AIDA: variants seen among roughly 807,000 people sequenced by gnomAD.
AIDA encodes the protein axin interactor, dorsalization associated.
A neutral mutation model predicts 42.7 loss-of-function variants in AIDA; 18 were observed. That is an observed-to-expected ratio of 0.42 (90% confidence interval 0.29 to 0.63). The LOEUF is 0.63. AIDA is among the 20% of genes least tolerant of loss of function. AIDA has a pLI of 0.19. For missense variants in AIDA, 250 were observed against 354.1 expected, an observed-to-expected ratio of 0.71 and a Z score of 2.36; for synonymous variants, 104 against 122.9, an observed-to-expected ratio of 0.85 and a Z score of 1.02.
rs138480568 is a variant in AIDA, at chr1:222,709,518, G to A, written c.110+2690C>T. Among the ~76,000 whole-genome samples, 868 of 152,286 alleles carry A rather than the reference G, an allele frequency of 5.7e-3. 5 individuals carry two copies. Among genetic ancestry groups the A allele is most frequent in the African/African-American group, 0.019 (794 of 41,564 alleles). ...AAAATGAAAAAAATGAAGCAGGATG[G>A]GGAGCAGGAGGTGTGAAACTGAGAT... On this transcript the variant is annotated intron_variant, in intron 1 of 9. Transcript: ENST00000340020.
At chr1:222,681,807 G>C (rs1664658707) in intron 6 of AIDA, among the ~76,000 whole-genome samples, 1 of 152,174 alleles carries the variant, frequency 6.6e-6, no homozygotes, top group South Asian at 2.1e-4. Context: ...GTCCATGCTG[G>C]CCATGTGAAT....
Position 222,712,211 on chromosome 1 carries a change from T to C in AIDA, c.107A>G (p.Gln36Arg). The change falls in exon 1 of 10, where the codon CAG (glutamine) becomes CGG (arginine). Residue 36 changes from glutamine (Q) to arginine (R), a missense_variant. Around this residue, in one of 4 missense-constraint regions of AIDA, gnomAD observed 199 missense variants for 232.6 expected, o/e 0.86. Transcript: ENST00000340020. Reference protein sequence around the residue: ...GQLVEAIDEYQILARHLQKEA... With the variant: ...GQLVEAIDEYRILARHLQKEA... ...GCTCCCGCGGTTAGTCACTCACATCTGATACTCGTCTATCGCCTCCACCAG... is the reference window on the plus strand; with the variant it reads ...GCTCCCGCGGTTAGTCACTCACATCCGATACTCGTCTATCGCCTCCACCAG... 6.2e-7 allele frequency: 1 copy of C among 1,600,686 alleles called. No homozygotes were observed. The highest frequency in any genetic ancestry group is 1.1e-5 in the South Asian group (1 of 88,890).
At chr1:222,703,246 T>G in intron 1 of AIDA, 29 bp from the exon 2 acceptor site, 1 of 1,565,190 alleles carries the variant, frequency 6.4e-7, no homozygotes, top group Non-Finnish European at 8.7e-7. Flanking sequence ...TTCTTTAGAA[T>G]GGAAGAAAAG....
chr1:222,669,728 G>A lies in AIDA; in HGVS notation c.*165C>T. Reference sequence around the variant, plus strand: ...GTCCTATACGTCAGTGTGATGTGCTGGACTCTGAATTCTGTGGTACAGCTT... The same window carrying A: ...GTCCTATACGTCAGTGTGATGTGCTAGACTCTGAATTCTGTGGTACAGCTT... On this transcript the variant is annotated 3_prime_UTR_variant, in exon 10 of 10. Coordinates refer to ENST00000340020, the MANE Select transcript of AIDA (RefSeq NM_022831.4). 2.5e-6 allele frequency: 2 copies of A among 798,572 alleles called. No homozygotes were observed. Among genetic ancestry groups the A allele is most frequent in the Admixed American group, 2.9e-5 (1 of 34,162 alleles). 49.5% of individuals were successfully genotyped at this position (798,572 alleles called of 1,614,324 possible).
chr1:222,704,834 G>A (rs915588587), intron 1 of AIDA, among the ~76,000 whole-genome samples: 5 of 151,766 alleles, frequency 3.3e-5, no homozygotes, highest in South Asian at 2.1e-4. Context: ...AAAAATATAT[G>A]AGAAAAAACT....
chr1:222,679,639 AAGAC>A (rs1664618278), intron 6 of AIDA, among the ~76,000 whole-genome samples: 1 of 152,208 alleles, frequency 6.6e-6, no homozygotes, highest in Non-Finnish European at 1.5e-5. Flanking sequence ...AGTGAAAACT[AAGAC>A]AGAAAAGTTA....
At chr1:222,691,917 T>G (rs972183726) in intron 4 of AIDA, among the ~76,000 whole-genome samples, 3 of 152,230 alleles carry the variant, frequency 2.0e-5, no homozygotes, top group African/African-American at 7.2e-5. Flanking sequence ...AGTATTTTCT[T>G]AGGTATCAAT....
chr1:222,687,681 C>T (rs1655238545), intron 4 of AIDA, 23 bp from the exon 5 acceptor site: 1 of 1,432,774 alleles, frequency 7.0e-7, no homozygotes, highest in Non-Finnish European at 9.4e-7. Flanking sequence ...GATAAAGAAA[C>T]ATGAATTCTT....
rs138645228 is a variant in AIDA, at chr1:222,688,986, A to G, written c.290-1328T>C. ...CCCTGGAAGACCTTCCAGTGGGACA[A>G]GATGTGGAGGTGGAAGACAGTGATA... is the stretch of plus-strand genomic sequence containing the variant. On this transcript the variant is annotated intron_variant, in intron 4 of 9. Coordinates refer to ENST00000340020, the MANE Select transcript of AIDA (RefSeq NM_022831.4). 3.7e-3 allele frequency among the ~76,000 whole-genome samples: 570 copies of G among 152,210 alleles called. 21 individuals are homozygous for G. In the East Asian group the frequency reaches 0.084, roughly 22 times the overall value.
At chr1:222,674,753 T>A (rs1417387034) in intron 7 of AIDA, among the ~76,000 whole-genome samples, 1 of 152,246 alleles carries the variant, frequency 6.6e-6, no homozygotes, top group Admixed American at 6.5e-5. Flanking sequence ...ACTCATTTAA[T>A]GACTACTCAA....
Position 222,703,550 on chromosome 1 carries a change from C to T in AIDA, c.111-333G>A, listed in dbSNP as rs141877392. On this transcript the variant is annotated intron_variant, in intron 1 of 9. Coordinates refer to ENST00000340020, the MANE Select transcript of AIDA (RefSeq NM_022831.4). The stretch of plus-strand genomic sequence containing the variant: ...CTATAATAAGCCAATAAGTAGTTGT[C>T]CAGATTCTGCTTAAACACTTCCAGG... Among the ~76,000 whole-genome samples, 13 of 152,216 alleles carry T rather than the reference C, an allele frequency of 8.5e-5. No homozygotes were observed. The East Asian group carries it at 2.5e-3, about 29-fold the overall frequency.
chr1:222,684,551 T>C (rs1484787094), intron 6 of AIDA, among the ~76,000 whole-genome samples: 2 of 152,210 alleles, frequency 1.3e-5, no homozygotes, highest in Non-Finnish European at 2.9e-5. Flanking sequence ...TTTCAATGAA[T>C]ATAATTTTAC....
intron 8 of AIDA, among the ~76,000 whole-genome samples, chr1:222,672,084 G>A (rs1043805519): frequency 6.4e-4 from 97 of 152,248 alleles, no homozygotes; most frequent in African/African-American, 2.1e-3. Flanking sequence ...TAAAATGTTT[G>A]TAAACATGAA....
chr1:222,679,598 A>G (rs912909614), intron 6 of AIDA, among the ~76,000 whole-genome samples: 2 of 152,188 alleles, frequency 1.3e-5, no homozygotes, highest in African/African-American at 4.8e-5. Context: ...GTGCTATAGC[A>G]CCCTATAACA....
chr1:222,708,584 G>A (rs1003325075), intron 1 of AIDA, among the ~76,000 whole-genome samples: 1 of 151,920 alleles, frequency 6.6e-6, no homozygotes. Context: ...TGGCCGGGAT[G>A]GTCTTGAACT....
intron 2 of AIDA, among the ~76,000 whole-genome samples, chr1:222,698,508 G>C (rs1655583839): frequency 6.8e-6 from 1 of 147,152 alleles, no homozygotes; most frequent in African/African-American, 2.5e-5. Flanking sequence ...CTCGGGTGCA[G>C]TGGTGTGATT....
chr1:222,673,004 T>A (rs768061489), intron 8 of AIDA, among the ~76,000 whole-genome samples: 2 of 152,240 alleles, frequency 1.3e-5, no homozygotes, highest in South Asian at 4.1e-4. Flanking sequence ...AACTGAATCA[T>A]CAGGGAACCT....
rs539436007 is a variant in AIDA, at chr1:222,707,371, T to G, written c.111-4154A>C. 5.9e-5 allele frequency among the ~76,000 whole-genome samples: 9 copies of G among 152,288 alleles called. No homozygotes were observed. The South Asian group carries it at 1.9e-3, about 32-fold the overall frequency. ...CTGGGTTTTGCCATGTTGCCAAGGCTGGTCTTGAACTCCTGAGCTCAAGCA... is the reference window on the plus strand; with the variant it reads ...CTGGGTTTTGCCATGTTGCCAAGGCGGGTCTTGAACTCCTGAGCTCAAGCA... On this transcript the variant is annotated intron_variant, in intron 1 of 9. Transcript: ENST00000340020.
chr1:222,703,506 T>C (rs1337581895), intron 1 of AIDA, among the ~76,000 whole-genome samples: 2 of 152,202 alleles, frequency 1.3e-5, no homozygotes, highest in East Asian at 1.9e-4. Flanking sequence ...CAACTTTCTT[T>C]AGTATGCATG....
Sources: allele counts gnomAD v4.1 joint callset (sites outside exome capture counted in the v4.1 genomes callset), GRCh38; gene constraint gnomAD v4.1.1; regional missense constraint gnomAD v4.1.1; transcripts MANE v1.5; gene names NCBI Gene and HGNC (gene_info 2026-07-23, HGNC 2026-07-21).